Variants in NEDD4 observed in about 807,000 individuals in gnomAD.
NEDD4 encodes NEDD4 E3 ubiquitin protein ligase.
NEDD4 carries 99 observed loss-of-function variants against 144.9 expected under a neutral mutation model. That is an observed-to-expected ratio of 0.68 (90% CI 0.58 to 0.81). The LOEUF is 0.81. Among genes scored for constraint, NEDD4 ranks in the 30% least tolerant of loss-of-function variants. The probability of loss-of-function intolerance (pLI) is 0.00; values close to 1 mark genes in which losing one functional copy is unlikely to be tolerated. For missense variants in NEDD4, 985 were observed against 1,065.9 expected (o/e 0.92, Z 1.06); for synonymous variants, 318 against 350.6 (o/e 0.91, Z 1.04).
intron 5 of NEDD4, among the ~76,000 whole-genome samples, chr15:55,923,659 A>AAAAATATATAT (rs546642962): frequency 4.4e-5 from 6 of 135,268 alleles, no homozygotes; most frequent in African/African-American, 1.7e-4. Flanking sequence ...AAAAAAAAAA[A>AAAAATATATAT]ATATATATAT....
chr15:55,883,889 T>TC (rs2035292923), intron 5 of NEDD4, among the ~76,000 whole-genome samples: 1 of 151,034 alleles, frequency 6.6e-6, no homozygotes, highest in African/African-American at 2.4e-5. Context: ...CTTCTTTTTT[T>TC]TTTTTTTTGA....
intron 5 of NEDD4, among the ~76,000 whole-genome samples, chr15:55,920,007 C>G (rs2036540419): frequency 6.6e-6 from 1 of 152,126 alleles, no homozygotes; most frequent in South Asian, 2.1e-4. Flanking sequence ...GCACATTACC[C>G]TCCACAATGT....
intron 5 of NEDD4, chr15:55,916,601 A>C: frequency 4.3e-6 from 7 of 1,614,078 alleles, no homozygotes; most frequent in Non-Finnish European, 5.9e-6. Context: ...TAACATTTTC[A>C]GATGAGGGAA....
intron 7 of NEDD4, among the ~76,000 whole-genome samples, chr15:55,872,084 G>A (rs1288304427): frequency 2.0e-5 from 3 of 151,990 alleles, no homozygotes; most frequent in East Asian, 1.9e-4. Flanking sequence ...GTTAGGTAAT[G>A]GTTTTAGATG....
intron 1 of NEDD4, among the ~76,000 whole-genome samples, chr15:55,986,756 A>AT (rs35732139): frequency 0.54 from 77,953 of 144,348 alleles, 23,167 homozygotes; most frequent in East Asian, 0.92. Flanking sequence ...CACCCGGCTA[A>AT]TTTTTTTTTT....
Position 55,993,581 on chromosome 15 carries a change from C to G in NEDD4, c.-26G>C, listed in dbSNP as rs751635687. Reference sequence around the variant, plus strand: ...TTCCGAACGCTTCCAGCAAACCGGACGCGCTCGCCCCCGCCCAGGGCAGGC... The same window carrying G: ...TTCCGAACGCTTCCAGCAAACCGGAGGCGCTCGCCCCCGCCCAGGGCAGGC... On this transcript the variant is annotated 5_prime_UTR_variant, in exon 1 of 29. Coordinates refer to ENST00000435532, the MANE Select transcript of NEDD4 (RefSeq NM_006154.4). 3.9e-5 allele frequency: 62 copies of G among 1,589,448 alleles called. No individual in the cohort carries two copies. Among genetic ancestry groups the G allele is most frequent in the Admixed American group, 5.3e-5 (3 of 57,004 alleles).
chr15:55,900,527 A>G (rs1595817683), intron 5 of NEDD4, among the ~76,000 whole-genome samples: 1 of 152,210 alleles, frequency 6.6e-6, no homozygotes, highest in East Asian at 1.9e-4. Context: ...TGTTGCTAAT[A>G]TTTATAAATA....
intron 24 of NEDD4, 145 bp from the exon 25 acceptor site, chr15:55,834,431 TA>T: frequency 1.6e-6 from 1 of 615,708 alleles, no homozygotes; most frequent in Non-Finnish European, 2.9e-6. Context: ...GAGATCTCAA[TA>T]TTGGCCAGAA....
chr15:55,834,297 G>A lies in NEDD4; in HGVS notation c.2263-11C>T, dbSNP rs1314443948. ...TAGTTCAAAGAATCCCTAGAAAAAA[G>A]ATGTATTTAAAAACTTGATGGGCAG... On this transcript the variant is annotated splice_polypyrimidine_tract_variant and intron_variant, in intron 24 of 28. Coordinates refer to ENST00000435532, the MANE Select transcript of NEDD4 (RefSeq NM_006154.4). 2 of 1,588,842 alleles carry A rather than the reference G, an allele frequency of 1.3e-6. No homozygotes were observed. The highest frequency in any genetic ancestry group is 3.4e-5 in the Admixed American group (2 of 59,024).
intron 8 of NEDD4, among the ~76,000 whole-genome samples, chr15:55,863,645 T>C (rs993336126): frequency 2.6e-5 from 4 of 152,286 alleles, no homozygotes; most frequent in Non-Finnish European, 5.9e-5. Context: ...CACGGAAAGT[T>C]GGAAAGTACT....
intron 5 of NEDD4, chr15:55,916,586 T>C: frequency 6.2e-7 from 1 of 1,614,054 alleles, no homozygotes; most frequent in Non-Finnish European, 8.5e-7. Flanking sequence ...AGCTGCTCTT[T>C]TTATTAACAT....
chr15:55,963,230 C>G (rs1335964716), intron 2 of NEDD4, among the ~76,000 whole-genome samples: 1 of 150,094 alleles, frequency 6.7e-6, no homozygotes, highest in African/African-American at 2.4e-5. Flanking sequence ...CTCCTGGGCT[C>G]CAGCGATCCT....
At chr15:55,950,229 G>C (rs1038160235) in intron 4 of NEDD4, among the ~76,000 whole-genome samples, 1 of 151,994 alleles carries the variant, frequency 6.6e-6, no homozygotes, top group African/African-American at 2.4e-5. Context: ...TTTCCAAACC[G>C]ATTTAAAAGG....
intron 24 of NEDD4, among the ~76,000 whole-genome samples, chr15:55,837,284 G>A (rs2033251727): frequency 6.6e-6 from 1 of 151,834 alleles, no homozygotes; most frequent in Admixed American, 6.6e-5. Context: ...ACAAAAATTA[G>A]CCAGGCGTGG....
intron 1 of NEDD4, among the ~76,000 whole-genome samples, chr15:55,985,975 G>A (rs1284075630): frequency 6.6e-6 from 1 of 152,196 alleles, no homozygotes; most frequent in Admixed American, 6.5e-5. Context: ...CTGCCAGAAA[G>A]TGTTCAAAGA....
At chr15:55,944,717 G>C (rs1472012701) in intron 4 of NEDD4, among the ~76,000 whole-genome samples, 8 of 152,152 alleles carry the variant, frequency 5.3e-5, no homozygotes, top group African/African-American at 1.7e-4. Flanking sequence ...TAGCCTAACT[G>C]GGAGACACTT....
intron 5 of NEDD4, among the ~76,000 whole-genome samples, chr15:55,887,718 A>T (rs2035438461): frequency 6.6e-6 from 1 of 152,196 alleles, no homozygotes. Context: ...ACAAGCATTG[A>T]TACAAAAATC....
At chr15:55,841,452 G>C (rs2033498328) in intron 19 of NEDD4, among the ~76,000 whole-genome samples, 1 of 152,186 alleles carries the variant, frequency 6.6e-6, no homozygotes, top group Non-Finnish European at 1.5e-5. Context: ...CCAGGGAATG[G>C]GGAGCGAGTG....
chr15:55,838,116 T>C lies in NEDD4; in HGVS notation c.2192A>G (p.Glu731Gly). The change falls in exon 23 of 29, where the codon GAA (glutamate) becomes GGA (glycine). Residue 731 changes from glutamate to glycine, a missense_variant. Transcript: ENST00000435532. ...CTAATAAAATACTTACTAAATATAT[T>C]CCTTTTTGTTCTTATTGGTGACAAC... The part of the protein sequence containing the change: ...EIVVTNKNKK[E>G]YIYLVIQWRF... 8 of 1,555,520 alleles carry C rather than the reference T, an allele frequency of 5.1e-6. No homozygotes were observed. The highest frequency in any genetic ancestry group is 7.0e-6 in the Non-Finnish European group (8 of 1,137,614).
Sources: gnomAD v4.1 joint callset for allele counts (sites outside exome capture counted in the v4.1 genomes callset) on GRCh38, gnomAD v4.1.1 for gene constraint, MANE v1.5 for transcripts, NCBI Gene and HGNC (gene_info 2026-07-23, HGNC 2026-07-21) for gene names.